The following SATB2 variants were observed in gnomAD, a reference collection of about 807,000 sequenced individuals.
The protein encoded by SATB2 is SATB homeobox 2.
Under a neutral mutation model 73.4 loss-of-function variants are expected in SATB2, and 1 was observed. That is an observed-to-expected ratio of 0.01 (90% confidence interval 0.00 to 0.06). The LOEUF (loss-of-function observed/expected upper bound fraction) is 0.06. Ranked by LOEUF, SATB2 falls within the 10% of genes least tolerant of loss-of-function variation. SATB2 has a pLI of 1.00. For missense variants in SATB2, 459 were observed against 945.8 expected (o/e 0.49, Z 6.75); for synonymous variants, 397 against 367.0 (o/e 1.08, Z -0.93).
At chr2:199,407,269 G>C (rs912969185) in intron 3 of SATB2, among the ~76,000 whole-genome samples, 4 of 124,782 alleles carry the variant, frequency 3.2e-5, no homozygotes, top group Admixed American at 9.9e-5. Context: ...CTGGGTGACA[G>C]AGCAAGACTC....
intron 3 of SATB2, among the ~76,000 whole-genome samples, chr2:199,417,651 C>T (rs536310530): frequency 1.2e-4 from 18 of 152,196 alleles, no homozygotes; most frequent in Admixed American, 9.2e-4. Flanking sequence ...AATTACAAAG[C>T]TATCAGTGAA....
At chr2:199,468,268 G>A (rs1184940042), upstream of SATB2, 4 of 152,076 alleles carry the variant, frequency 2.6e-5, no homozygotes, top group Admixed American at 2.6e-4. Flanking sequence ...CCCGGTAGGA[G>A]GACTGGGGTG....
At chr2:199,279,177 C>T (rs1692405771) in intron 10 of SATB2, among the ~76,000 whole-genome samples, 1 of 152,176 alleles carries the variant, frequency 6.6e-6, no homozygotes, top group Non-Finnish European at 1.5e-5. Context: ...TCAAAAGAGA[C>T]ATTAACTGCA....
At chr2:199,374,865 G>T (rs747195234) in intron 5 of SATB2, among the ~76,000 whole-genome samples, 7 of 151,950 alleles carry the variant, frequency 4.6e-5, no homozygotes, top group Non-Finnish European at 8.8e-5. Flanking sequence ...TTGGGAGGCT[G>T]AGCGGGGAGA....
intron 8 of SATB2, chr2:199,325,315 G>A (rs934545717): frequency 6.6e-6 from 1 of 152,018 alleles, no homozygotes; most frequent in African/African-American, 2.4e-5. Context: ...TCTTACAGAT[G>A]AAGAAACTGA....
chr2:199,354,840 C>A (rs1053687641), intron 6 of SATB2, among the ~76,000 whole-genome samples: 1 of 152,212 alleles, frequency 6.6e-6, no homozygotes, highest in African/African-American at 2.4e-5. Context: ...GCCTTTGTAG[C>A]CCTATATTAG....
At chr2:199,429,503 T>C (rs1239180328) in intron 3 of SATB2, among the ~76,000 whole-genome samples, 3 of 152,138 alleles carry the variant, frequency 2.0e-5, no homozygotes, top group Non-Finnish European at 4.4e-5. Flanking sequence ...TACTCCAATA[T>C]AAATAAGAAA....
At chr2:199,412,068 T>C (rs966408155) in intron 3 of SATB2, among the ~76,000 whole-genome samples, 4 of 151,942 alleles carry the variant, frequency 2.6e-5, no homozygotes, top group Admixed American at 6.6e-5. Flanking sequence ...AGGAGTCACA[T>C]GGTTGAAGGG....
At chr2:199,407,108 G>C (rs1690653013) in intron 3 of SATB2, among the ~76,000 whole-genome samples, 1 of 151,908 alleles carries the variant, frequency 6.6e-6, no homozygotes, top group Non-Finnish European at 1.5e-5. Context: ...ATCACTTGAG[G>C]TCAGGAGTTC....
intron 9 of SATB2, among the ~76,000 whole-genome samples, chr2:199,322,810 C>T (rs1687925821): frequency 6.6e-6 from 1 of 152,054 alleles, no homozygotes; most frequent in Non-Finnish European, 1.5e-5. Flanking sequence ...AATAGAAATA[C>T]AATACTCAGT....
chr2:199,308,573 T>TGC lies in SATB2; in HGVS notation c.1740+185_1740+186dup, dbSNP rs1268064932. Among the ~76,000 whole-genome samples, 1 of 151,108 alleles carries TGC rather than the reference T, an allele frequency of 6.6e-6. No homozygotes were observed. Among genetic ancestry groups the TGC allele is most frequent in the Non-Finnish European group, 1.5e-5 (1 of 67,926 alleles). ...ATACACACACACACACGCACGCACA[T>TGC]GCACACACACACACATACACATACA... is the stretch of plus-strand genomic sequence containing the variant. On this transcript the variant is annotated intron_variant, in intron 10 of 10. Transcript: ENST00000417098. The surrounding 1 kb of genome is among the most constrained non-coding windows in gnomAD (Gnocchi z 4.6).
chr2:199,414,654 C>T (rs1051529124), intron 3 of SATB2, among the ~76,000 whole-genome samples: 3 of 152,206 alleles, frequency 2.0e-5, no homozygotes, highest in Non-Finnish European at 4.4e-5. Flanking sequence ...GGCTGTGACT[C>T]GGTGTGTCAA....
At chr2:199,397,800 G>A (rs1690345967) in intron 3 of SATB2, 2 of 419,838 alleles carry the variant, frequency 4.8e-6, no homozygotes, top group East Asian at 8.9e-5. Context: ...GAGGTGGGAG[G>A]ATCCCTTAAA....
At chr2:199,353,587 T>C (rs1461118920) in intron 6 of SATB2, among the ~76,000 whole-genome samples, 1 of 152,152 alleles carries the variant, frequency 6.6e-6, no homozygotes, top group African/African-American at 2.4e-5. Context: ...AGAGGGAGTA[T>C]CAGGATGTGC....
chr2:199,361,956 C>G (rs528842200), intron 6 of SATB2, among the ~76,000 whole-genome samples: 1 of 150,864 alleles, frequency 6.6e-6, no homozygotes, highest in Non-Finnish European at 1.5e-5. Context: ...CCAGGATGCT[C>G]TCAACCTCCT....
chr2:199,333,156 C>CA (rs566806045), intron 7 of SATB2, among the ~76,000 whole-genome samples: 1,472 of 140,698 alleles, frequency 0.01, 14 homozygotes, highest in African/African-American at 0.011. Context: ...TACCTAGTCT[C>CA]AAAAAAAAAA....
At chr2:199,373,030 T>C (rs1217687518) in intron 5 of SATB2, among the ~76,000 whole-genome samples, 1 of 152,222 alleles carries the variant, frequency 6.6e-6, no homozygotes. Flanking sequence ...TGGGATTTAT[T>C]TGTTTGAACA....
chr2:199,277,129 A>G (rs1371828614), intron 10 of SATB2, among the ~76,000 whole-genome samples: 1 of 152,218 alleles, frequency 6.6e-6, no homozygotes, highest in African/African-American at 2.4e-5. Context: ...AGTAGAAAAA[A>G]ATAGGAAAAG....
chr2:199,383,373 A>G (rs1358762158), intron 3 of SATB2, among the ~76,000 whole-genome samples: 3 of 152,252 alleles, frequency 2.0e-5, no homozygotes, highest in African/African-American at 4.8e-5. Flanking sequence ...CCCACTGGAC[A>G]GCCACCCACG....
Sources: allele counts gnomAD v4.1 joint callset (sites outside exome capture counted in the v4.1 genomes callset), GRCh38; gene constraint gnomAD v4.1.1; non-coding constraint Gnocchi (gnomAD v3.1); transcripts MANE v1.5; gene names NCBI Gene and HGNC (gene_info 2026-07-23, HGNC 2026-07-21).